FRA10AC1: variants seen among roughly 807,000 people sequenced by gnomAD.
FRA10AC1 encodes the protein protein FRA10AC1.
FRA10AC1 carries 43 observed loss-of-function variants against 56.5 expected under a neutral mutation model. The observed-to-expected ratio is 0.76, with a 90% CI of 0.60 to 0.98. FRA10AC1 has a LOEUF of 0.98. Among genes scored for constraint, FRA10AC1 ranks in the 50% least tolerant of loss-of-function variants. The pLI is 0.00. For missense variants in FRA10AC1, 346 were observed against 351.8 expected (o/e 0.98, Z 0.13); for synonymous variants, 112 against 110.5 (o/e 1.01, Z -0.09).
chr10:93,669,446 T>C lies in FRA10AC1; in HGVS notation c.*380A>G, dbSNP rs2058727145. 1 of 157,844 alleles carries C rather than the reference T, an allele frequency of 6.3e-6. No individual in the cohort carries two copies. Among genetic ancestry groups the C allele is most frequent in the East Asian group, 1.8e-4 (1 of 5,546 alleles). 9.8% of individuals were successfully genotyped at this position (157,844 alleles called of 1,614,324 possible). On this transcript the variant is annotated 3_prime_UTR_variant, in exon 14 of 14. Transcript: ENST00000359204. ...GAAAAACAAACAAATCCAGTATTGGTGGCTCTAAAAAAGAGAAAAAGAAGA... is the reference window on the plus strand; with the variant it reads ...GAAAAACAAACAAATCCAGTATTGGCGGCTCTAAAAAAGAGAAAAAGAAGA...
chr10:93,684,497 C>CT lies in FRA10AC1; in HGVS notation c.626-400dup, dbSNP rs56873831. ...TCAAATAGTTCCATAATTGTGGTCT[C>CT]TTTTTTTTTTTTTTTTTGCCTTAAT... On this transcript the variant is annotated intron_variant, in intron 9 of 13. Coordinates refer to ENST00000359204, the MANE Select transcript of FRA10AC1 (RefSeq NM_145246.5). Among the ~76,000 whole-genome samples the CT allele has an allele frequency of 9.5e-3, 1,230 of 130,040 alleles. 6 individuals carry two copies. Among genetic ancestry groups the CT allele is most frequent in the African/African-American group, 0.024 (847 of 35,654 alleles). 85.3% of individuals were successfully genotyped at this position (130,040 alleles called of 152,430 possible). A position where few individuals can be genotyped will look rare whatever the true frequency, so the allele number is the denominator to read the frequency against.
rs182680281 is a variant in FRA10AC1 at position 93,680,752 on chromosome 10, A to G, written c.787+728T>C. On this transcript the variant is annotated intron_variant, in intron 11 of 13. Coordinates refer to ENST00000359204, the MANE Select transcript of FRA10AC1 (RefSeq NM_145246.5). ...AAAGCAACTAGAAGTAACCTTCATAATAGCTAATATGTGCCAAGTACTATG... is the reference window on the plus strand; with the variant it reads ...AAAGCAACTAGAAGTAACCTTCATAGTAGCTAATATGTGCCAAGTACTATG... 1.3e-3 allele frequency among the ~76,000 whole-genome samples: 202 copies of G among 152,344 alleles called. 1 individual carries two copies. The highest frequency in any genetic ancestry group is 2.2e-3 in the Non-Finnish European group (151 of 68,016).
Position 93,669,725 on chromosome 10 carries a change from C to T in FRA10AC1, c.*101G>A, listed in dbSNP as rs1202205973. On this transcript the variant is annotated 3_prime_UTR_variant, in exon 14 of 14. Coordinates refer to ENST00000359204, the MANE Select transcript of FRA10AC1 (RefSeq NM_145246.5). Reference sequence around the variant, plus strand: ...TATTTCCAAAGACAAACCACACAAGCTGTAACTTGCAGATAAAAACTTATA... The same window carrying T: ...TATTTCCAAAGACAAACCACACAAGTTGTAACTTGCAGATAAAAACTTATA... The T allele has an allele frequency of 1.3e-6, 1 of 749,488 alleles. No individual in the cohort carries two copies. Among genetic ancestry groups the T allele is most frequent in the Non-Finnish European group, 2.2e-6 (1 of 449,866 alleles). 46.4% of individuals were successfully genotyped at this position (749,488 alleles called of 1,614,324 possible).
Position 93,681,495 on chromosome 10 carries a change from T to G in FRA10AC1, c.772A>C (p.Lys258Gln), listed in dbSNP as rs7914441. The G allele has an allele frequency of 1.5e-4, 236 of 1,571,746 alleles. No individual in the cohort carries two copies. In the African/African-American group the frequency reaches 2.9e-3, roughly 20 times the overall value. ...SRLSSAEEAS[K>Q]KKDKGHSSSK... ...TTCCTTTTACCTTTATCTTTTTTCT[T>G]GGAGGCCTCTTCTGCAGAAGATAAT... is the stretch of plus-strand genomic sequence containing the variant. The change falls in exon 11 of 14, where the codon AAG becomes CAG. Residue 258 changes from lysine to glutamine, a missense_variant. Physicochemically the swap from Lys to Gln is moderately conservative, Grantham distance 53 (BLOSUM62 1). Transcript: ENST00000359204.
At chr10:93,697,918 AC>A (rs2059259790) in intron 4 of FRA10AC1, among the ~76,000 whole-genome samples, 1 of 152,194 alleles carries the variant, frequency 6.6e-6, no homozygotes, top group Admixed American at 6.5e-5. Context: ...TTTATAGAGT[AC>A]TAGTAATATG....
At chr10:93,702,734 C>T (rs1055457367), upstream of FRA10AC1, among the ~76,000 whole-genome samples, 1 of 152,064 alleles carries the variant, frequency 6.6e-6, no homozygotes, top group African/African-American at 2.4e-5. Context: ...CCAGCTTTCG[C>T]CAAGTCGCGG....
intron 10 of FRA10AC1, among the ~76,000 whole-genome samples, chr10:93,683,153 CT>C (rs2058965154): frequency 6.6e-6 from 1 of 152,136 alleles, no homozygotes; most frequent in Non-Finnish European, 1.5e-5. Context: ...CCACAATAGC[CT>C]GAGTAGCCTC....
At chr10:93,671,115 C>A in intron 12 of FRA10AC1, 1 of 344,002 alleles carries the variant, frequency 2.9e-6, no homozygotes, top group Non-Finnish European at 5.4e-6. Flanking sequence ...GTAGCAATTC[C>A]AATATTAACT....
At chr10:93,694,837 C>A in intron 5 of FRA10AC1, 24 bp downstream of exon 5, 1 of 1,372,276 alleles carries the variant, frequency 7.3e-7, no homozygotes, top group Non-Finnish European at 1.0e-6. Flanking sequence ...ACATTCCCTT[C>A]TATGTAAACT....
chr10:93,679,844 G>A (rs2058902775), intron 11 of FRA10AC1, among the ~76,000 whole-genome samples: 1 of 152,156 alleles, frequency 6.6e-6, no homozygotes, highest in African/African-American at 2.4e-5. Flanking sequence ...GTAGGGTGGA[G>A]AGAACTTGAG....
chr10:93,688,592 C>T (rs2059071071), intron 7 of FRA10AC1, among the ~76,000 whole-genome samples: 2 of 152,068 alleles, frequency 1.3e-5, no homozygotes, highest in Non-Finnish European at 2.9e-5. Context: ...GGATGTTATG[C>T]ATGTATGAGA....
chr10:93,686,270 A>G (rs554917152), intron 8 of FRA10AC1, among the ~76,000 whole-genome samples: 44 of 151,892 alleles, frequency 2.9e-4, no homozygotes, highest in Non-Finnish European at 4.4e-4. Context: ...TATTAAATCT[A>G]TATGTTTAGT....
chr10:93,685,191 T>C (rs2059004016), intron 9 of FRA10AC1, 55 bp downstream of exon 9: 2 of 813,422 alleles, frequency 2.5e-6, no homozygotes, highest in East Asian at 2.6e-5. Context: ...TATATATTTT[T>C]AAATTAAAGA....
chr10:93,671,141 T>A, intron 12 of FRA10AC1: 1 of 284,224 alleles, frequency 3.5e-6, no homozygotes, highest in Non-Finnish European at 6.8e-6. Context: ...AAGTCAATTA[T>A]CTCTTGCAAT....
At position 93,698,175 on chromosome 10, in the gene FRA10AC1, T is replaced by C; in HGVS notation, c.180A>G (p.Glu60=). Residue 60 remains glutamate (E), a synonymous_variant, in exon 4 of 14, where the codon GAA becomes GAG. Transcript: ENST00000359204. ...TGAGATGAAACCTTCTATTTCTTGC[T>C]TCTTCCCTGTTAAAACAAATTTTTT... The part of the protein sequence containing the change: ...QVAAELLDRE[E]ARNRRFHLIA... 1 of 1,583,674 alleles carries C rather than the reference T, an allele frequency of 6.3e-7. No individual in the cohort carries two copies. Among genetic ancestry groups the C allele is most frequent in the Non-Finnish European group, 8.6e-7 (1 of 1,161,456 alleles).
intron 4 of FRA10AC1, among the ~76,000 whole-genome samples, chr10:93,696,115 C>T (rs745651834): frequency 1.3e-5 from 2 of 152,136 alleles, no homozygotes; most frequent in African/African-American, 2.4e-5. Flanking sequence ...AATCCTTATA[C>T]ATTATATATC....
At chr10:93,698,540 A>G (rs559568648) in intron 2 of FRA10AC1, 144 bp from the exon 3 acceptor site, 85 of 522,652 alleles carry the variant, frequency 1.6e-4, no homozygotes, top group Non-Finnish European at 9.4e-5. Flanking sequence ...GATATTTTAC[A>G]TTTCCTTAAA....
At chr10:93,673,123 G>C (rs74762296) in intron 12 of FRA10AC1, 2 of 307,864 alleles carry the variant, frequency 6.5e-6, no homozygotes, top group South Asian at 5.6e-5. Flanking sequence ...TGGAACACTC[G>C]CTACTCCAGA....
chr10:93,691,554 T>C (rs2059124736), intron 7 of FRA10AC1, among the ~76,000 whole-genome samples: 1 of 152,216 alleles, frequency 6.6e-6, no homozygotes, highest in Non-Finnish European at 1.5e-5. Context: ...CTGATTGAAA[T>C]GTTAATTTTA....
Sources: gnomAD v4.1 joint callset for allele counts (sites outside exome capture counted in the v4.1 genomes callset) on GRCh38, gnomAD v4.1.1 for gene constraint, MANE v1.5 for transcripts, NCBI Gene and HGNC (gene_info 2026-07-23, HGNC 2026-07-21) for gene names.